Variants in SOX5 observed in about 807,000 individuals in gnomAD.
SOX5 encodes the protein transcription factor SOX-5.
SOX5 carries 9 observed loss-of-function variants against 92.0 expected under a neutral mutation model. That is an observed-to-expected ratio of 0.10 (90% CI 0.06 to 0.17). The LOEUF (loss-of-function observed/expected upper bound fraction) is 0.17. SOX5 is among the 10% of genes least tolerant of loss of function. The pLI, the probability that SOX5 is intolerant of heterozygous loss-of-function variation, is 1.00. For synonymous variants in SOX5, 344 were observed against 336.3 expected (o/e 1.02, Z -0.25); for missense variants, 642 against 944.5 (o/e 0.68, Z 4.20).
chr12:24,292,482 A>G (rs1438723965), intron 2 of SOX5, among the ~76,000 whole-genome samples: 3 of 152,242 alleles, frequency 2.0e-5, no homozygotes, highest in African/African-American at 7.2e-5. Flanking sequence ...ACACTTATGT[A>G]CCTGCTACAA....
chr12:24,123,057 CA>C (rs1948783447), intron 4 of SOX5, among the ~76,000 whole-genome samples: 1 of 152,234 alleles, frequency 6.6e-6, no homozygotes, highest in Non-Finnish European at 1.5e-5. Flanking sequence ...GAGAGCAGAA[CA>C]GTCATGGCAG....
At chr12:24,490,854 A>T (rs779082550) in intron 1 of SOX5, among the ~76,000 whole-genome samples, 8 of 152,160 alleles carry the variant, frequency 5.3e-5, no homozygotes, top group Non-Finnish European at 8.8e-5. Context: ...CCTCTTTTAA[A>T]CTTAAACATT....
chr12:24,265,181 T>C (rs934685390), intron 3 of SOX5, among the ~76,000 whole-genome samples: 5 of 152,228 alleles, frequency 3.3e-5, no homozygotes, highest in African/African-American at 9.6e-5. Flanking sequence ...TTTTCTCTAA[T>C]TAAAAAATTA....
chr12:23,985,143 C>G (rs1208397123), intron 4 of SOX5, among the ~76,000 whole-genome samples: 1 of 152,088 alleles, frequency 6.6e-6, no homozygotes, highest in Non-Finnish European at 1.5e-5. Context: ...TTTAGCTAAA[C>G]AGAGAAAATG....
At chr12:24,263,544 A>AAAAAC (rs1942541847) in intron 3 of SOX5, among the ~76,000 whole-genome samples, 2 of 149,518 alleles carry the variant, frequency 1.3e-5, no homozygotes. Context: ...AAAAAAACAA[A>AAAAAC]AAAAAAAACA....
At chr12:23,806,269 C>T (rs1400720339) in intron 3 of SOX5, among the ~76,000 whole-genome samples, 1 of 152,156 alleles carries the variant, frequency 6.6e-6, no homozygotes, top group Non-Finnish European at 1.5e-5. Flanking sequence ...CCACTGCTAA[C>T]AATGCCATGA....
At chr12:23,689,047 T>C (rs1323308386) in intron 6 of SOX5, among the ~76,000 whole-genome samples, 1 of 152,194 alleles carries the variant, frequency 6.6e-6, no homozygotes, top group Non-Finnish European at 1.5e-5. Flanking sequence ...CATTTGTTTT[T>C]GTTTTACCTT....
At chr12:24,437,931 G>A (rs1207133096) in intron 1 of SOX5, among the ~76,000 whole-genome samples, 1 of 152,054 alleles carries the variant, frequency 6.6e-6, no homozygotes, top group African/African-American at 2.4e-5. Context: ...CCCATTACTG[G>A]GTATATACCC....
At chr12:24,322,507 G>T (rs1373566361) in intron 2 of SOX5, among the ~76,000 whole-genome samples, 1 of 152,180 alleles carries the variant, frequency 6.6e-6, no homozygotes, top group African/African-American at 2.4e-5. Context: ...GCACACGTAA[G>T]TGTGTCCTCT....
In SOX5 at chr12:23,595,466, C is replaced by CA. The variant is rs1952235934; in HGVS notation, c.1164+8920dup. Reference sequence around the variant, plus strand: ...TGAAACCCCGTCTCTACTAAAAATACAAAAAAATCAGCTGGGCGTGGTGGC... The same window carrying CA: ...TGAAACCCCGTCTCTACTAAAAATACAAAAAAAATCAGCTGGGCGTGGTGGC... On this transcript the variant is annotated intron_variant, in intron 9 of 14. Transcript: ENST00000451604. Among the ~76,000 whole-genome samples, 3 of 151,694 alleles carry CA rather than the reference C, an allele frequency of 2.0e-5. No homozygotes were observed. In the South Asian group the frequency reaches 6.2e-4, roughly 32 times the overall value.
chr12:23,839,295 T>C (rs76550660), intron 3 of SOX5, among the ~76,000 whole-genome samples: 76 of 152,188 alleles, frequency 5.0e-4, no homozygotes, highest in African/African-American at 1.8e-3. Flanking sequence ...TAGAAATCAA[T>C]ATGATACATT....
chr12:24,453,027 A>C (rs1172606644), intron 1 of SOX5, among the ~76,000 whole-genome samples: 1 of 152,202 alleles, frequency 6.6e-6, no homozygotes. Flanking sequence ...CTTTGCATTT[A>C]AAGTACCTTC....
chr12:23,706,782 T>A (rs1375490808), intron 6 of SOX5, among the ~76,000 whole-genome samples: 1 of 152,000 alleles, frequency 6.6e-6, no homozygotes, highest in Non-Finnish European at 1.5e-5. Context: ...ACATAAAGTG[T>A]TATAGTGGCA....
At chr12:23,799,269 TA>T (rs2095620080) in intron 3 of SOX5, among the ~76,000 whole-genome samples, 1 of 152,068 alleles carries the variant, frequency 6.6e-6, no homozygotes, top group Non-Finnish European at 1.5e-5. Context: ...GATGCTGTAA[TA>T]ACAGGGTAAT....
At chr12:24,463,206 CA>C (rs1244032080) in intron 1 of SOX5, among the ~76,000 whole-genome samples, 4 of 136,800 alleles carry the variant, frequency 2.9e-5, no homozygotes, top group East Asian at 2.1e-4. Context: ...GACCTTGTTT[CA>C]AAAAAAAAGA....
intron 2 of SOX5, among the ~76,000 whole-genome samples, chr12:23,859,795 T>G (rs1233482459): frequency 6.6e-6 from 1 of 152,092 alleles, no homozygotes; most frequent in East Asian, 1.9e-4. Flanking sequence ...TCTCTTTATT[T>G]CTCAGACCGG....
chr12:23,831,979 C>CACACACACACAT (rs2096332966), intron 3 of SOX5, among the ~76,000 whole-genome samples: 1 of 151,534 alleles, frequency 6.6e-6, no homozygotes, highest in South Asian at 2.1e-4. Flanking sequence ...CACACACACA[C>CACACACACACAT]ACACAGAGGC....
chr12:24,180,713 T>C (rs1955398521), intron 4 of SOX5, among the ~76,000 whole-genome samples: 2 of 152,258 alleles, frequency 1.3e-5, no homozygotes, highest in South Asian at 2.1e-4. Flanking sequence ...ACTGCTGTTA[T>C]AAATCATAAA....
intron 2 of SOX5, among the ~76,000 whole-genome samples, chr12:24,352,472 A>G (rs1421144791): frequency 6.6e-6 from 1 of 152,212 alleles, no homozygotes; most frequent in Non-Finnish European, 1.5e-5. Flanking sequence ...CTTCCTCTCT[A>G]GAACAAATGA....
Sources: allele counts gnomAD v4.1 joint callset (sites outside exome capture counted in the v4.1 genomes callset), GRCh38; gene constraint gnomAD v4.1.1; transcripts MANE v1.5; gene names NCBI Gene and HGNC (gene_info 2026-07-23, HGNC 2026-07-21).